Variants in GKAP1 observed in about 807,000 individuals in gnomAD.
The protein encoded by GKAP1 is G kinase-anchoring protein 1.
GKAP1 carries 31 observed loss-of-function variants against 56.7 expected under a neutral mutation model. The observed-to-expected ratio is 0.55, with a 90% confidence interval of 0.41 to 0.74. The LOEUF is 0.74. Ranked by LOEUF, GKAP1 falls within the 30% of genes least tolerant of loss-of-function variation. The pLI is 0.00. For missense variants in GKAP1, 364 were observed against 402.3 expected, an observed-to-expected ratio of 0.90 and a Z score of 0.82; for synonymous variants, 151 against 138.6, an observed-to-expected ratio of 1.09 and a Z score of -0.63.
chr9:83,775,153 A>G (rs1474543877), intron 7 of GKAP1, among the ~76,000 whole-genome samples: 1 of 151,950 alleles, frequency 6.6e-6, no homozygotes, highest in Non-Finnish European at 1.5e-5. Flanking sequence ...ACAGGTGTGC[A>G]CCACTGAGCC....
intron 7 of GKAP1, among the ~76,000 whole-genome samples, chr9:83,775,874 CAAAAAAAAAAAAA>C (rs55669011): frequency 2.1e-4 from 9 of 43,716 alleles, no homozygotes; most frequent in African/African-American, 9.3e-4. Context: ...GACTCTGTCT[CAAAAAAAAAAAAA>C]AAAAAAAAAA....
chr9:83,765,311 C>T lies in GKAP1; in HGVS notation c.738+3507G>A, dbSNP rs541650970. ...GAACCTCTGCCTAGATTTCAGAGGA[C>T]GTATGGAAACTCCTGGATGTCCAGG... On this transcript the variant is annotated intron_variant, in intron 8 of 12. Transcript: ENST00000376371. Among the ~76,000 whole-genome samples the T allele has an allele frequency of 9.2e-4, 140 of 152,290 alleles. 1 individual carries two copies. Among genetic ancestry groups the T allele is most frequent in the South Asian group, 4.1e-4 (2 of 4,826 alleles).
intron 7 of GKAP1, among the ~76,000 whole-genome samples, chr9:83,771,074 T>C (rs1943751704): frequency 6.6e-6 from 1 of 152,106 alleles, no homozygotes; most frequent in South Asian, 2.1e-4. Context: ...TCCCACATTC[T>C]CTTTTTTTTG....
At chr9:83,772,352 T>C (rs2131272823) in intron 7 of GKAP1, among the ~76,000 whole-genome samples, 1 of 152,280 alleles carries the variant, frequency 6.6e-6, no homozygotes, top group South Asian at 2.1e-4. Context: ...ATTAAGGATA[T>C]AAGAGTGTTG....
At chr9:83,746,298 C>T (rs1943292226) in intron 10 of GKAP1, among the ~76,000 whole-genome samples, 1 of 152,158 alleles carries the variant, frequency 6.6e-6, no homozygotes, top group East Asian at 1.9e-4. Flanking sequence ...TATACAATTG[C>T]TTGCAGGACA....
intron 6 of GKAP1, among the ~76,000 whole-genome samples, chr9:83,783,425 C>A (rs530733126): frequency 6.6e-6 from 1 of 152,204 alleles, no homozygotes; most frequent in African/African-American, 2.4e-5. Flanking sequence ...ACTACATTTT[C>A]ATTTTAATTT....
intron 8 of GKAP1, among the ~76,000 whole-genome samples, chr9:83,768,425 T>G (rs969354913): frequency 5.3e-5 from 8 of 152,304 alleles, no homozygotes; most frequent in African/African-American, 1.9e-4. Context: ...TCAAAACCTC[T>G]TTTTTATTGT....
chr9:83,740,204 T>C lies in GKAP1; in HGVS notation c.1054-460A>G, dbSNP rs1943183200. ...GCATTAGAAATTTGATTTTGTTCAT[T>C]AGTGGATTGAAAACTAGGTTATGCT... On this transcript the variant is annotated intron_variant, in intron 12 of 12. Transcript: ENST00000376371. Among the ~76,000 whole-genome samples the C allele has an allele frequency of 1.3e-5, 2 of 152,166 alleles. 1 individual carries two copies. The highest frequency in any genetic ancestry group is 4.1e-4 in the South Asian group (2 of 4,832).
At chr9:83,804,363 C>T (rs1220400962) in intron 3 of GKAP1, among the ~76,000 whole-genome samples, 2 of 119,818 alleles carry the variant, frequency 1.7e-5, no homozygotes, top group Admixed American at 1.5e-4. Context: ...GTCAGCCCCC[C>T]GCCCGGCCAG....
At chr9:83,787,860 A>T (rs1944090255) in intron 5 of GKAP1, among the ~76,000 whole-genome samples, 1 of 152,222 alleles carries the variant, frequency 6.6e-6, no homozygotes, top group African/African-American at 2.4e-5. Context: ...AAATTTCAGA[A>T]ATGGCCTTCT....
chr9:83,741,875 C>T, intron 12 of GKAP1, 77 bp downstream of exon 12: 1 of 842,274 alleles, frequency 1.2e-6, no homozygotes, highest in Non-Finnish European at 1.9e-6. Flanking sequence ...GAATAAAATA[C>T]TGCATTTATT....
rs1162423599 is a variant in GKAP1 at position 83,779,531 on chromosome 9, A to ATG, written c.585+849_585+850dup. 1.8e-4 allele frequency among the ~76,000 whole-genome samples: 24 copies of ATG among 132,340 alleles called. No individual in the cohort carries two copies. The South Asian group carries it at 5.2e-3, about 29-fold the overall frequency. The allele number at this position is 132,340 out of a possible 152,430, so 86.8% of individuals were successfully genotyped here. A position where few individuals can be genotyped will look rare whatever the true frequency, so the allele number is the denominator to read the frequency against. ...TATGTGTATATATATACACGTGTAT[A>ATG]TGTGTATATATATACACGTGTATAT... On this transcript the variant is annotated intron_variant, in intron 7 of 12. Coordinates refer to ENST00000376371, the MANE Select transcript of GKAP1 (RefSeq NM_025211.4).
rs542769995 is a variant in GKAP1, at chr9:83,799,407, C to A, written c.217-79G>T. The A allele has an allele frequency of 1.4e-4, 147 of 1,032,488 alleles. 1 individual carries two copies. Among genetic ancestry groups the A allele is most frequent in the Admixed American group, 7.6e-4 (28 of 37,000 alleles). 64.0% of individuals were successfully genotyped at this position (1,032,488 alleles called of 1,614,324 possible). A position where few individuals can be genotyped will look rare whatever the true frequency, so the allele number is the denominator to read the frequency against. Reference sequence around the variant, plus strand: ...AATGATTTTTTTAATTAAAAAAAAACCAATGATATTTTTATACTTCTACTG... The same window carrying A: ...AATGATTTTTTTAATTAAAAAAAAAACAATGATATTTTTATACTTCTACTG... On this transcript the variant is annotated intron_variant, in intron 3 of 12. Coordinates refer to ENST00000376371, the MANE Select transcript of GKAP1 (RefSeq NM_025211.4).
At chr9:83,790,213 G>C (rs956149074) in intron 4 of GKAP1, among the ~76,000 whole-genome samples, 3 of 152,058 alleles carry the variant, frequency 2.0e-5, no homozygotes, top group African/African-American at 7.2e-5. Context: ...AAATGGTAAG[G>C]ATATATAGAA....
rs779392512 is a variant in GKAP1 at position 83,748,372 on chromosome 9, C to T, written c.841G>A (p.Ala281Thr). ...CTTGCCTTTACTTCCTTATACTTTG[C>T]CTAATAGTCAAAGAAAAAAGATTTA... is the stretch of plus-strand genomic sequence containing the variant. ...KLKNVITQWE[A>T]KYKEVKARNA... The change falls in exon 10 of 13, where the codon GCA becomes ACA. Residue 281 changes from alanine to threonine, a missense_variant and splice_region_variant. Coordinates refer to ENST00000376371, the MANE Select transcript of GKAP1 (RefSeq NM_025211.4). The T allele has an allele frequency of 1.8e-5, 28 of 1,527,492 alleles. No homozygotes were observed. Among genetic ancestry groups the T allele is most frequent in the East Asian group, 2.4e-5 (1 of 42,428 alleles). The allele number at this position is 1,527,492 out of a possible 1,614,324, so 94.6% of individuals were successfully genotyped here. A position where few individuals can be genotyped will look rare whatever the true frequency, so the allele number is the denominator to read the frequency against.
chr9:83,789,049 C>G (rs956068182), intron 4 of GKAP1: 8 of 156,956 alleles, frequency 5.1e-5, no homozygotes, highest in African/African-American at 1.9e-4. Flanking sequence ...TATAAGAATA[C>G]TAAAAAATAA....
intron 6 of GKAP1, among the ~76,000 whole-genome samples, chr9:83,783,002 T>C (rs939191125): frequency 1.3e-4 from 20 of 152,184 alleles, no homozygotes; most frequent in African/African-American, 4.8e-4. Context: ...TATTTGTTCT[T>C]TTAACCCCAA....
chr9:83,742,553 T>C lies in GKAP1; in HGVS notation c.952A>G (p.Ile318Val). Residue 318 changes from isoleucine to valine, a missense_variant, in exon 11 of 13, where the codon ATC becomes GTC. Transcript: ENST00000376371. The part of the protein sequence containing the change: ...ILLQVDESQS[I>V]KNELTIQVTS... ...ACCTGAATAGTGAGCTCATTCTTGA[T>C]ACTTTGTGATTCATCAACTTGCAGA... is the stretch of plus-strand genomic sequence containing the variant. The C allele has an allele frequency of 6.2e-7, 1 of 1,612,542 alleles. No homozygotes were observed. Among genetic ancestry groups the C allele is most frequent in the Non-Finnish European group, 8.5e-7 (1 of 1,179,330 alleles).
chr9:83,795,200 C>T (rs1049748184), intron 4 of GKAP1, among the ~76,000 whole-genome samples: 2 of 149,654 alleles, frequency 1.3e-5, no homozygotes, highest in African/African-American at 4.9e-5. Context: ...TGCATACAAC[C>T]AAGTCAAAGC....
Sources: gnomAD v4.1 joint callset for allele counts (sites outside exome capture counted in the v4.1 genomes callset) on GRCh38, gnomAD v4.1.1 for gene constraint, MANE v1.5 for transcripts, NCBI Gene and HGNC (gene_info 2026-07-23, HGNC 2026-07-21) for gene names.